CASP1: variants seen among roughly 807,000 people sequenced by gnomAD.
CASP1 encodes caspase 1.
A neutral mutation model predicts 41.2 loss-of-function variants in CASP1; 31 were observed. The ratio of observed to expected loss-of-function variants is 0.75; its 90% confidence interval spans 0.57 to 1.02. CASP1 has a LOEUF of 1.02. Among genes scored for constraint, CASP1 ranks in the 50% least tolerant of loss-of-function variants. The probability of loss-of-function intolerance (pLI) is 0.00; values close to 1 mark genes in which losing one functional copy is unlikely to be tolerated. For missense variants in CASP1, 490 were observed against 495.7 expected (o/e 0.99, Z 0.11); for synonymous variants, 163 against 166.5 (o/e 0.98, Z 0.16).
At chr11:105,026,799 A>C (rs1193726468) in intron 8 of CASP1, 43 bp downstream of exon 8, 2 of 981,816 alleles carry the variant, frequency 2.0e-6, no homozygotes, top group Admixed American at 3.4e-5. Flanking sequence ...ATAGCCAAGC[A>C]TTCAGGGAAG....
In CASP1 at chr11:105,030,271, A is replaced by T; in HGVS notation, c.627+59T>A. The T allele has an allele frequency of 1.4e-6, 2 of 1,383,446 alleles. 1 individual carries two copies. Among genetic ancestry groups the T allele is most frequent in the Non-Finnish European group, 2.0e-6 (2 of 1,003,388 alleles). The allele number at this position is 1,383,446 out of a possible 1,614,324, so 85.7% of individuals were successfully genotyped here. A position where few individuals can be genotyped will look rare whatever the true frequency, so the allele number is the denominator to read the frequency against. On this transcript the variant is annotated intron_variant, in intron 5 of 8. Coordinates refer to ENST00000533400, the MANE Select transcript of CASP1 (RefSeq NM_001257118.3). ...TCTTGGTCTTACAACCAAGCTTTCT[A>T]ATATTATTCAGTTATACGAAGGGCA...
downstream of CASP1, chr11:105,025,489 G>A (rs953704964): frequency 4.6e-5 from 19 of 410,656 alleles, no homozygotes; most frequent in East Asian, 1.0e-3. Flanking sequence ...CTTCAGTGTG[G>A]GAGAAAAATG....
At chr11:105,032,743 T>C (rs1863776826) in intron 3 of CASP1, among the ~76,000 whole-genome samples, 1 of 152,148 alleles carries the variant, frequency 6.6e-6, no homozygotes, top group African/African-American at 2.4e-5. Flanking sequence ...TGTGGAAGTA[T>C]AGCATTTTCA....
chr11:105,028,433 T>C (rs1863457242), intron 7 of CASP1, among the ~76,000 whole-genome samples: 1 of 152,104 alleles, frequency 6.6e-6, no homozygotes, highest in African/African-American at 2.4e-5. Context: ...TATATACATT[T>C]TAAATAATAG....
Position 105,026,221 on chromosome 11 carries a change from T to G in CASP1, c.*37A>C. The stretch of plus-strand genomic sequence containing the variant: ...CTTCCCACACTCCCGACCATACACA[T>G]GTACCTGCCCACAGACATTCATACA... On this transcript the variant is annotated 3_prime_UTR_variant, in exon 9 of 9. Transcript: ENST00000533400. 1 of 1,347,720 alleles carries G rather than the reference T, an allele frequency of 7.4e-7. No individual in the cohort carries two copies. Among genetic ancestry groups the G allele is most frequent in the Non-Finnish European group, 1.1e-6 (1 of 938,288 alleles). The allele number at this position is 1,347,720 out of a possible 1,614,324, so 83.5% of individuals were successfully genotyped here.
At chr11:105,029,533 G>A in intron 6 of CASP1, 132 bp downstream of exon 6, 2 of 676,126 alleles carry the variant, frequency 3.0e-6, no homozygotes, top group East Asian at 2.7e-5. Flanking sequence ...CACAGAAGCT[G>A]CATTCTTGAA....
chr11:105,035,616 C>CTTTTCTTTTTTTTTTTTTTTTTTT (rs770202897), upstream of CASP1, among the ~76,000 whole-genome samples: 1 of 52,072 alleles, frequency 1.9e-5, no homozygotes, highest in African/African-American at 5.0e-5. Flanking sequence ...TTTTTTCTTT[C>CTTTTCTTTTTTTTTTTTTTTTTTT]TGTTTTTTTT....
chr11:105,026,846 C>G lies in CASP1; in HGVS notation c.1112G>C (p.Arg371Pro), dbSNP rs148018877. 6.4e-7 allele frequency: 1 copy of G among 1,557,530 alleles called. No individual in the cohort carries two copies. Among genetic ancestry groups the G allele is most frequent in the South Asian group, 1.1e-5 (1 of 89,894 alleles). ...TAGCATCCACTAGCATCTTACCTTGCGGAAAATTTCCTCCACATCACAGGA... is the reference window on the plus strand; with the variant it reads ...TAGCATCCACTAGCATCTTACCTTGGGGAAAATTTCCTCCACATCACAGGA... ...ACSCDVEEIF[R>P]KVRFSFEQPD... The change falls in exon 8 of 9, where the codon CGC becomes CCC. Residue 371 changes from arginine (R) to proline (P), a missense_variant. By Grantham distance (103) the Arg-to-Pro change is moderately radical. Transcript: ENST00000533400.
At chr11:105,031,405 T>G (rs749149374) in intron 3 of CASP1, 125 bp from the exon 4 acceptor site, 173 of 559,088 alleles carry the variant, frequency 3.1e-4, no homozygotes, top group East Asian at 1.6e-3. Flanking sequence ...ACAATCCTGA[T>G]CTACATCATT....
intron 4 of CASP1, 119 bp from the exon 5 acceptor site, chr11:105,030,622 T>C (rs1863632709): frequency 1.3e-6 from 1 of 789,532 alleles, no homozygotes; most frequent in Non-Finnish European, 2.0e-6. Flanking sequence ...CCATGAACCA[T>C]ACATTGAAAA....
At chr11:105,036,559 A>G (rs12291320), upstream of CASP1, among the ~76,000 whole-genome samples, 4,550 of 152,042 alleles carry the variant, frequency 0.03, 218 homozygotes, top group African/African-American at 0.1. Flanking sequence ...ATGAGATCCG[A>G]TGGTTTTATA....
rs1863785135 is a variant in CASP1, at chr11:105,032,931, GATTACAAAA to G, written c.337+124_337+132del. 7.9e-6 allele frequency: 5 copies of G among 630,758 alleles called. No homozygotes were observed. In the South Asian group the frequency reaches 9.2e-5, roughly 12 times the overall value. 39.1% of individuals were successfully genotyped at this position (630,758 alleles called of 1,614,324 possible). A position where few individuals can be genotyped will look rare whatever the true frequency, so the allele number is the denominator to read the frequency against. On this transcript the variant is annotated intron_variant, in intron 3 of 8. Transcript: ENST00000533400. ...AAACAGTTTCTACAAAAGCAGAATA[GATTACAAAA>G]AGAAAATTATATGACCAATCTATGA...
chr11:105,034,354 A>G lies in CASP1; in HGVS notation c.128T>C (p.Val43Ala), dbSNP rs1863890936. ...CATAACTGTAGCATTTTCACGTTTTACTTTCTCCATCTCTTCCTTGTTCAG... is the reference window on the plus strand; with the variant it reads ...CATAACTGTAGCATTTTCACGTTTTGCTTTCTCCATCTCTTCCTTGTTCAG... ...RVLNKEEMEK[V>A]KRENATVMDK... The change falls in exon 2 of 9, where the codon GTA becomes GCA. Residue 43 changes from valine to alanine, a missense_variant. By Grantham distance (64) the Val-to-Ala change is moderately conservative. Coordinates refer to ENST00000533400, the MANE Select transcript of CASP1 (RefSeq NM_001257118.3). 2.5e-6 allele frequency: 4 copies of G among 1,614,088 alleles called. No individual in the cohort carries two copies. In the East Asian group the frequency reaches 8.9e-5, roughly 36 times the overall value.
chr11:105,026,464 CA>C (rs1413543422), intron 8 of CASP1, 108 bp from the exon 9 acceptor site: 3 of 690,452 alleles, frequency 4.3e-6, no homozygotes, highest in Non-Finnish European at 7.6e-6. Context: ...AAATAAGTGA[CA>C]AAAACAAAAA....
Position 105,034,196 on chromosome 11 carries a change from A to C in CASP1, c.274+12T>G, listed in dbSNP as rs755333319. 5.6e-6 allele frequency: 9 copies of C among 1,613,930 alleles called. No homozygotes were observed. The highest frequency in any genetic ancestry group is 7.6e-6 in the Non-Finnish European group (9 of 1,179,912). ...CCCTAGGTGAACTTGAGTGTAAGTC[A>C]CTGACCCTTACCTGCTGAGAGTCCC... is the stretch of plus-strand genomic sequence containing the variant. On this transcript the variant is annotated intron_variant, in intron 2 of 8. Coordinates refer to ENST00000533400, the MANE Select transcript of CASP1 (RefSeq NM_001257118.3).
At chr11:105,028,130 G>A (rs191225812) in intron 7 of CASP1, among the ~76,000 whole-genome samples, 1 of 152,100 alleles carries the variant, frequency 6.6e-6, no homozygotes, top group African/African-American at 2.4e-5. Context: ...GAAAATATAT[G>A]GTGTTTTTGG....
At chr11:105,034,054 AAGGGACATGCAAT>A (rs1863863689) in intron 2 of CASP1, 141 bp downstream of exon 2, 1 of 1,218,872 alleles carries the variant, frequency 8.2e-7, no homozygotes, top group Admixed American at 1.7e-5. Flanking sequence ...AAGGAGAGTC[AAGGGACATGCAAT>A]AGGGACCCTG....
chr11:105,029,592 C>A (rs1036217986), intron 6 of CASP1, 73 bp downstream of exon 6: 8 of 1,160,612 alleles, frequency 6.9e-6, no homozygotes, highest in Non-Finnish European at 1.0e-5. Flanking sequence ...CAAAAGAAAC[C>A]AAAAATTCTT....
chr11:105,034,090 G>T (rs1405924112), intron 2 of CASP1, 118 bp downstream of exon 2: 2 of 1,536,136 alleles, frequency 1.3e-6, no homozygotes, highest in Non-Finnish European at 1.8e-6. Context: ...ACAGAAATAT[G>T]GCCCTGAAGC....
Sources: allele counts gnomAD v4.1 joint callset (sites outside exome capture counted in the v4.1 genomes callset), GRCh38; gene constraint gnomAD v4.1.1; transcripts MANE v1.5; gene names NCBI Gene and HGNC (gene_info 2026-07-23, HGNC 2026-07-21).